The following ABI2 variants were observed in gnomAD, a reference collection of about 807,000 sequenced individuals.
The protein encoded by ABI2 is abl interactor 2.
ABI2 carries 25 observed loss-of-function variants against 59.2 expected under a neutral mutation model. That is an observed-to-expected ratio of 0.42 (90% CI 0.31 to 0.59). The LOEUF (loss-of-function observed/expected upper bound fraction) is 0.59, where lower values mean the gene tolerates loss of function less well. Ranked by LOEUF, ABI2 falls within the 20% of genes least tolerant of loss-of-function variation. ABI2 has a pLI of 0.14. For missense variants in ABI2, 545 were observed against 681.8 expected (o/e 0.80, Z 2.23); for synonymous variants, 213 against 235.5 (o/e 0.90, Z 0.87).
chr2:203,412,210 T>A (rs578115016), intron 10 of ABI2, among the ~76,000 whole-genome samples: 1 of 152,310 alleles, frequency 6.6e-6, no homozygotes, highest in African/African-American at 2.4e-5. Context: ...CTCCTGCTTA[T>A]TTGGAAATGG....
chr2:203,426,803 AAC>A (rs869071456), intron 11 of ABI2, among the ~76,000 whole-genome samples: 53 of 146,974 alleles, frequency 3.6e-4, no homozygotes, highest in East Asian at 1.4e-3. Flanking sequence ...AAAAAAAAAA[AAC>A]CACAATATGG....
intron 1 of ABI2, chr2:203,355,255 C>A: frequency 2.9e-6 from 1 of 339,942 alleles, no homozygotes; most frequent in South Asian, 2.4e-5. Context: ...TCCTGTAATC[C>A]TAGCACTTTG....
intron 11 of ABI2, among the ~76,000 whole-genome samples, chr2:203,422,437 C>T (rs369625466): frequency 3.9e-5 from 6 of 151,966 alleles, no homozygotes; most frequent in South Asian, 4.2e-4. Flanking sequence ...GGAGAGAAGT[C>T]GAGTGTTGGT....
chr2:203,413,668 A>G (rs536701031), intron 10 of ABI2, among the ~76,000 whole-genome samples: 10 of 152,234 alleles, frequency 6.6e-5, no homozygotes, highest in Non-Finnish European at 1.2e-4. Flanking sequence ...ACATTAGTCA[A>G]ATAATAAACA....
chr2:203,377,263 A>G (rs2095767861), intron 2 of ABI2, among the ~76,000 whole-genome samples: 1 of 152,322 alleles, frequency 6.6e-6, no homozygotes, highest in Middle Eastern at 3.4e-3. Flanking sequence ...ACAGTATGCT[A>G]TGATTGTCCC....
At chr2:203,342,428 C>T (rs2080506392) in intron 1 of ABI2, among the ~76,000 whole-genome samples, 1 of 152,008 alleles carries the variant, frequency 6.6e-6, no homozygotes. Flanking sequence ...TTGTTAGGAA[C>T]CTACGAAACA....
At position 203,359,840 on chromosome 2, in the gene ABI2, A is replaced by AT. The variant is rs1692778377; in HGVS notation, c.118-7032dup. On this transcript the variant is annotated intron_variant, in intron 1 of 11. Transcript: ENST00000261018. ...ATCAGTGTTAGGTTCCAACATGTACATTTTTGGGGGGGGGACACAAAAATT... is the reference window on the plus strand; with the variant it reads ...ATCAGTGTTAGGTTCCAACATGTACATTTTTTGGGGGGGGGACACAAAAATT... Among the ~76,000 whole-genome samples, 3 of 59,868 alleles carry AT rather than the reference A, an allele frequency of 5.0e-5. No individual in the cohort carries two copies. In the South Asian group the frequency reaches 2.0e-3, roughly 40 times the overall value. 39.3% of individuals were successfully genotyped at this position (59,868 alleles called of 152,430 possible). A position where few individuals can be genotyped will look rare whatever the true frequency, so the allele number is the denominator to read the frequency against.
intron 2 of ABI2, among the ~76,000 whole-genome samples, chr2:203,371,391 A>C (rs1355440523): frequency 1.3e-5 from 2 of 152,268 alleles, no homozygotes; most frequent in African/African-American, 4.8e-5. Context: ...TTTCAAAAAC[A>C]AGATATTAAT....
rs765386775 is a variant in ABI2, at chr2:203,427,355, C to T, written c.*3C>T. The T allele has an allele frequency of 3.1e-6, 5 of 1,611,452 alleles. No homozygotes were observed. Among genetic ancestry groups the T allele is most frequent in the Non-Finnish European group, 4.2e-6 (5 of 1,178,374 alleles). ...CTATCATGCATTATTCTGAGTAAAG[C>T]TCAGCAGGGCTGTGCTTGCCTCACA... On this transcript the variant is annotated 3_prime_UTR_variant, in exon 12 of 12. Coordinates refer to ENST00000261018, the MANE Select transcript of ABI2 (RefSeq NM_001375670.1).
At chr2:203,394,425 A>G (rs747586504) in intron 5 of ABI2, 38 of 352,312 alleles carry the variant, frequency 1.1e-4, no homozygotes, top group Non-Finnish European at 1.9e-4. Flanking sequence ...ACATTGGCTT[A>G]AATGGTAGAG....
chr2:203,399,634 C>G lies in ABI2; in HGVS notation c.1033+2667C>G, dbSNP rs34737067. On this transcript the variant is annotated intron_variant, in intron 8 of 11. Transcript: ENST00000261018. ...GGGTTCAAGCGATTCTCCTGCCCAG[C>G]CTCCCAAATAGCTGGGATTACAGGC... Among the ~76,000 whole-genome samples the G allele has an allele frequency of 4.1e-3, 617 of 152,302 alleles. 5 individuals carry two copies. Among genetic ancestry groups the G allele is most frequent in the Non-Finnish European group, 4.7e-3 (318 of 68,014 alleles).
chr2:203,350,508 T>A (rs1358946646), intron 1 of ABI2, among the ~76,000 whole-genome samples: 1 of 151,798 alleles, frequency 6.6e-6, no homozygotes, highest in African/African-American at 2.4e-5. Context: ...CACTACCACA[T>A]GTGGTTACTA....
intron 1 of ABI2, among the ~76,000 whole-genome samples, chr2:203,352,080 C>T (rs551188491): frequency 6.6e-6 from 1 of 152,124 alleles, no homozygotes; most frequent in African/African-American, 2.4e-5. Context: ...AGAAGACACA[C>T]ACATCACAAT....
Position 203,427,612 on chromosome 2 carries a change from A to T in ABI2, c.*260A>T, listed in dbSNP as rs901339249. ...CATTTTTATGTATGTCAAAGGTATA[A>T]CAGCATAACTGTGTAGCCAAAACAA... On this transcript the variant is annotated 3_prime_UTR_variant, in exon 12 of 12. Transcript: ENST00000261018. The T allele has an allele frequency of 3.0e-6, 1 of 331,310 alleles. No homozygotes were observed. Among genetic ancestry groups the T allele is most frequent in the Non-Finnish European group, 5.6e-6 (1 of 178,806 alleles). 20.5% of individuals were successfully genotyped at this position (331,310 alleles called of 1,614,324 possible).
chr2:203,352,887 T>A (rs930573913), intron 1 of ABI2, among the ~76,000 whole-genome samples: 1 of 152,240 alleles, frequency 6.6e-6, no homozygotes, highest in Non-Finnish European at 1.5e-5. Flanking sequence ...GTTGTTACTG[T>A]ACCTTCTCTA....
At chr2:203,371,699 C>G (rs1247316256) in intron 2 of ABI2, among the ~76,000 whole-genome samples, 1 of 152,016 alleles carries the variant, frequency 6.6e-6, no homozygotes, top group Non-Finnish European at 1.5e-5. Context: ...TAAATATATA[C>G]TTATCAGAGC....
At chr2:203,358,781 G>T (rs543827964) in intron 1 of ABI2, among the ~76,000 whole-genome samples, 1 of 152,274 alleles carries the variant, frequency 6.6e-6, no homozygotes, top group Admixed American at 6.5e-5. Flanking sequence ...AGGCTGAGGT[G>T]GGCAGATCAC....
rs573199400 is a variant in ABI2 at position 203,355,841 on chromosome 2, A to AC, written c.118-11036_118-11035insC. ...AGCAAAACTGTCTCAAAAAAAAAAAAAAAAAAAAAACACCCCACCAAGAAA... is the reference window on the plus strand; with the variant it reads ...AGCAAAACTGTCTCAAAAAAAAAAAACAAAAAAAAAACACCCCACCAAGAAA... On this transcript the variant is annotated intron_variant, in intron 1 of 11. Coordinates refer to ENST00000261018, the MANE Select transcript of ABI2 (RefSeq NM_001375670.1). Among the ~76,000 whole-genome samples, 646 of 151,192 alleles carry AC rather than the reference A, an allele frequency of 4.3e-3. 8 individuals are homozygous for AC. Among genetic ancestry groups the AC allele is most frequent in the African/African-American group, 0.015 (608 of 41,188 alleles).
chr2:203,328,490 G>A lies in ABI2; in HGVS notation c.-25G>A. On this transcript the variant is annotated 5_prime_UTR_variant, in exon 1 of 12. Coordinates refer to ENST00000261018, the MANE Select transcript of ABI2 (RefSeq NM_001375670.1). ...GCCGCTCCCTCTGCGACCTGTATGAGGAGGAGGAGGAGGAGGATGTGAAGA... is the reference window on the plus strand; with the variant it reads ...GCCGCTCCCTCTGCGACCTGTATGAAGAGGAGGAGGAGGAGGATGTGAAGA... 1.6e-6 allele frequency: 2 copies of A among 1,280,132 alleles called. No homozygotes were observed. Among genetic ancestry groups the A allele is most frequent in the Non-Finnish European group, 2.2e-6 (2 of 918,562 alleles). The allele number at this position is 1,280,132 out of a possible 1,614,324, so 79.3% of individuals were successfully genotyped here.
Sources: allele counts gnomAD v4.1 joint callset (sites outside exome capture counted in the v4.1 genomes callset), GRCh38; gene constraint gnomAD v4.1.1; transcripts MANE v1.5; gene names NCBI Gene and HGNC (gene_info 2026-07-23, HGNC 2026-07-21).